Variants in UVRAG observed in about 807,000 individuals in gnomAD.
UVRAG encodes the protein UV radiation resistance-associated gene protein.
In UVRAG, 19 loss-of-function variants were observed where a neutral mutation model predicts 78.0. The ratio of observed to expected loss-of-function variants is 0.24; its 90% CI spans 0.17 to 0.36. The LOEUF (loss-of-function observed/expected upper bound fraction) is 0.36, where lower values mean the gene tolerates loss of function less well. Ranked by LOEUF, UVRAG falls within the 10% of genes least tolerant of loss-of-function variation. UVRAG has a pLI of 1.00. For missense variants in UVRAG, 740 were observed against 853.8 expected, an observed-to-expected ratio of 0.87 and a Z score of 1.66; for synonymous variants, 323 against 324.6, an observed-to-expected ratio of 1.00 and a Z score of 0.05.
Position 76,140,910 on chromosome 11 carries a change from A to C in UVRAG, c.1597A>C (p.Thr533Pro). Residue 533 changes from threonine to proline, a missense_variant, in exon 15 of 15, where the codon ACC (threonine) becomes CCC (proline). By Grantham distance (38) the Thr-to-Pro change is conservative. Transcript: ENST00000356136. ...CTCAGCATTAGCCCAGCCTGTGACC[A>C]CCGTCCCCTCCATGGGAGAGACCGA... is the stretch of plus-strand genomic sequence containing the variant. Reference protein sequence around the residue: ...YNSALAQPVTTVPSMGETERK... With the variant: ...YNSALAQPVTPVPSMGETERK... 6.2e-7 allele frequency: 1 copy of C among 1,614,068 alleles called. No individual in the cohort carries two copies. The highest frequency in any genetic ancestry group is 8.5e-7 in the Non-Finnish European group (1 of 1,179,994).
intron 14 of UVRAG, among the ~76,000 whole-genome samples, chr11:76,124,400 G>A (rs1057270748): frequency 1.4e-4 from 21 of 152,148 alleles, no homozygotes; most frequent in Admixed American, 1.2e-3. Flanking sequence ...TGACTTGCAG[G>A]AATATTCCTA....
At chr11:76,003,257 A>ATTTTTTTTTTTTTTTTTTTTTTTTT (rs398045280) in intron 8 of UVRAG, among the ~76,000 whole-genome samples, 1 of 53,734 alleles carries the variant, frequency 1.9e-5, no homozygotes, top group African/African-American at 7.8e-5. Context: ...GAAAATACTG[A>ATTTTTTTTTTTTTTTTTTTTTTTTT]TTTTTTTTTT....
chr11:76,085,063 CAAAAAAAAAAAA>C (rs781218840), intron 13 of UVRAG, among the ~76,000 whole-genome samples: 1 of 49,586 alleles, frequency 2.0e-5, no homozygotes, highest in Non-Finnish European at 5.2e-5. Flanking sequence ...GACCCTGTCT[CAAAAAAAAAAAA>C]AAAAAAAAAA....
intron 1 of UVRAG, among the ~76,000 whole-genome samples, chr11:75,839,602 A>G (rs1945862394): frequency 6.6e-6 from 1 of 151,998 alleles, no homozygotes; most frequent in African/African-American, 2.4e-5. Flanking sequence ...CCCTAACCAC[A>G]TCCATTATCT....
chr11:76,084,774 T>G (rs1236939310), intron 13 of UVRAG, among the ~76,000 whole-genome samples: 1 of 152,072 alleles, frequency 6.6e-6, no homozygotes. Context: ...AAAATCTAAT[T>G]GTTCTGGCCA....
At chr11:75,905,937 G>C (rs1448141025) in intron 5 of UVRAG, among the ~76,000 whole-genome samples, 2 of 152,000 alleles carry the variant, frequency 1.3e-5, no homozygotes, top group African/African-American at 4.8e-5. Context: ...CAATATGTGA[G>C]GGTTCTCATT....
intron 7 of UVRAG, among the ~76,000 whole-genome samples, chr11:75,971,174 G>A (rs1044208555): frequency 7.2e-5 from 11 of 152,084 alleles, no homozygotes; most frequent in African/African-American, 1.2e-4. Context: ...CTTTTGATGG[G>A]TTGATAGCTC....
At chr11:75,820,159 A>G (rs1278572707) in intron 1 of UVRAG, among the ~76,000 whole-genome samples, 2 of 151,746 alleles carry the variant, frequency 1.3e-5, no homozygotes, top group African/African-American at 2.4e-5. Flanking sequence ...TAAGTTTTTC[A>G]TAGAGATGGG....
chr11:75,905,130 A>G (rs1267406735), intron 5 of UVRAG, among the ~76,000 whole-genome samples: 1 of 152,216 alleles, frequency 6.6e-6, no homozygotes, highest in Admixed American at 6.5e-5. Flanking sequence ...TAAGTAGAAC[A>G]TCATTAATTA....
intron 12 of UVRAG, among the ~76,000 whole-genome samples, chr11:76,050,768 GTTGAGTCATAGA>G (rs1565137573): frequency 6.6e-6 from 1 of 152,092 alleles, no homozygotes; most frequent in Non-Finnish European, 1.5e-5. Flanking sequence ...TAGATTTGAG[GTTGAGTCATAGA>G]TTTTCTTGTT....
At chr11:76,136,777 T>C (rs1025458595) in intron 14 of UVRAG, among the ~76,000 whole-genome samples, 45 of 152,224 alleles carry the variant, frequency 3.0e-4, no homozygotes, top group South Asian at 1.2e-3. Context: ...GGATCACAGG[T>C]GTTAGCCGCC....
intron 6 of UVRAG, among the ~76,000 whole-genome samples, chr11:75,926,232 T>C (rs1278216521): frequency 6.6e-6 from 1 of 152,226 alleles, no homozygotes; most frequent in Non-Finnish European, 1.5e-5. Context: ...TCTCTGACTC[T>C]ATGACCACAT....
intron 2 of UVRAG, among the ~76,000 whole-genome samples, chr11:75,858,820 A>T (rs1220521323): frequency 6.6e-6 from 1 of 152,144 alleles, no homozygotes; most frequent in Non-Finnish European, 1.5e-5. Context: ...TTAAGTTTGT[A>T]TTTCTCCTAT....
chr11:76,085,859 G>T (rs1052152421), intron 13 of UVRAG, among the ~76,000 whole-genome samples: 5 of 152,106 alleles, frequency 3.3e-5, no homozygotes, highest in African/African-American at 1.2e-4. Flanking sequence ...TTTTCCATGT[G>T]TGTTTTTCAC....
intron 6 of UVRAG, among the ~76,000 whole-genome samples, chr11:75,947,966 G>A (rs188735489): frequency 6.6e-6 from 1 of 152,252 alleles, no homozygotes; most frequent in Admixed American, 6.5e-5. Context: ...TTAGGCCTCA[G>A]GTTTCTGGTA....
chr11:75,849,308 A>T (rs1266181663), intron 1 of UVRAG, among the ~76,000 whole-genome samples: 3 of 152,126 alleles, frequency 2.0e-5, no homozygotes, highest in African/African-American at 7.2e-5. Context: ...GATTGAGACC[A>T]TCCTGGCTAA....
At chr11:75,969,399 C>T (rs1461130925) in intron 7 of UVRAG, among the ~76,000 whole-genome samples, 2 of 152,150 alleles carry the variant, frequency 1.3e-5, no homozygotes, top group Admixed American at 6.5e-5. Context: ...TATTGATAGA[C>T]ACTGGGTTGC....
chr11:75,900,375 A>G (rs1396818608), intron 5 of UVRAG, among the ~76,000 whole-genome samples: 2 of 152,128 alleles, frequency 1.3e-5, no homozygotes, highest in East Asian at 3.8e-4. Context: ...ATCTTCCCTC[A>G]TTCTCTTTTT....
intron 12 of UVRAG, among the ~76,000 whole-genome samples, chr11:76,023,069 A>G (rs1474347931): frequency 6.6e-6 from 1 of 152,016 alleles, no homozygotes; most frequent in East Asian, 1.9e-4. Context: ...TCCCATCTTT[A>G]TGTTGTTGTT....
Sources: allele counts gnomAD v4.1 joint callset (sites outside exome capture counted in the v4.1 genomes callset), GRCh38; gene constraint gnomAD v4.1.1; transcripts MANE v1.5; gene names NCBI Gene and HGNC (gene_info 2026-07-23, HGNC 2026-07-21).